The following ZNF207 variants were observed in gnomAD, a reference collection of about 807,000 sequenced individuals.
ZNF207 encodes zinc finger protein 207.
Under a neutral mutation model 60.2 loss-of-function variants are expected in ZNF207, and 24 were observed. The observed-to-expected ratio is 0.40, with a 90% confidence interval of 0.29 to 0.56. The LOEUF (loss-of-function observed/expected upper bound fraction) is 0.56, where lower values mean the gene tolerates loss of function less well. Among genes scored for constraint, ZNF207 ranks in the 20% least tolerant of loss-of-function variants. ZNF207 has a pLI of 0.49. For missense variants in ZNF207, 452 were observed against 636.6 expected, an observed-to-expected ratio of 0.71 and a Z score of 3.12; for synonymous variants, 236 against 194.7, an observed-to-expected ratio of 1.21 and a Z score of -1.77.
At chr17:32,350,373 G>A (rs2041478505) in intron 1 of ZNF207, 47 bp downstream of exon 1, 1 of 1,612,918 alleles carries the variant, frequency 6.2e-7, no homozygotes, top group Non-Finnish European at 8.5e-7. Context: ...GGTGCCGGTT[G>A]TTGGGGCCTG....
chr17:32,368,498 A>G, intron 10 of ZNF207: 1 of 162,928 alleles, frequency 6.1e-6, no homozygotes, highest in Non-Finnish European at 1.3e-5. Context: ...TCAGGAGTTC[A>G]AGACCAGCCT....
At position 32,379,646 on chromosome 17, in the gene ZNF207, T is replaced by TA; in HGVS notation, c.*9888dup. The TA allele has an allele frequency of 6.6e-6, 1 of 152,238 alleles. No homozygotes were observed. Among genetic ancestry groups the TA allele is most frequent in the South Asian group, 2.1e-4 (1 of 4,826 alleles). The allele number at this position is 152,238 out of a possible 1,614,324, so 9.4% of individuals were successfully genotyped here. ...TGATTCATGAGCAGTAAGCTGGAGT[T>TA]AGAGTGGAAGAAGGGTTTACCAAAA... On this transcript the variant is annotated 3_prime_UTR_variant, in exon 12 of 12. Transcript: ENST00000394670.
In ZNF207 at chr17:32,371,048, T is replaced by C. The variant is rs1905442507; in HGVS notation, c.*1289T>C. 1 of 152,254 alleles carries C rather than the reference T, an allele frequency of 6.6e-6. No homozygotes were observed. The highest frequency in any genetic ancestry group is 1.5e-5 in the Non-Finnish European group (1 of 68,042). 9.4% of individuals were successfully genotyped at this position (152,254 alleles called of 1,614,324 possible). A position where few individuals can be genotyped will look rare whatever the true frequency, so the allele number is the denominator to read the frequency against. On this transcript the variant is annotated 3_prime_UTR_variant, in exon 12 of 12. Transcript: ENST00000394670. ...ATGTTGTGTTCTTACAGAGAGCTTT[T>C]CTGTAGAGATGACTGCTATTCAATA...
chr17:32,352,384 C>T (rs1393989674), intron 2 of ZNF207, among the ~76,000 whole-genome samples: 7 of 151,000 alleles, frequency 4.6e-5, no homozygotes, highest in East Asian at 2.0e-4. Context: ...AAAATTTGTT[C>T]GATAGCCATC....
chr17:32,376,446 ACT>A lies in ZNF207; in HGVS notation c.*6690_*6691del, dbSNP rs1364207506. 1.3e-4 allele frequency: 20 copies of A among 151,982 alleles called. No homozygotes were observed. Among genetic ancestry groups the A allele is most frequent in the Non-Finnish European group, 2.2e-4 (15 of 67,910 alleles). The allele number at this position is 151,982 out of a possible 1,614,324, so 9.4% of individuals were successfully genotyped here. ...TCTTGAAAAGCTTTTCATTTTCTTA[ACT>A]CTGGAAAATAATAGTTTGGAACTAA... On this transcript the variant is annotated 3_prime_UTR_variant, in exon 12 of 12. Coordinates refer to ENST00000394670, the MANE Select transcript of ZNF207 (RefSeq NM_001098507.2).
rs1470801738 is a variant in ZNF207, at chr17:32,360,612, A to G, written c.322A>G (p.Lys108Glu). The G allele has an allele frequency of 6.3e-7, 1 of 1,591,374 alleles. No individual in the cohort carries two copies. Among genetic ancestry groups the G allele is most frequent in the Non-Finnish European group, 8.5e-7 (1 of 1,174,016 alleles). ...TTTTTTAACAGAAAGTCAAAAAAAG[A>G]AGCAACAAGATGATTCTGATGAATA... ...EQKTQESQKK[K>E]QQDDSDEYDD... Residue 108 changes from lysine (K) to glutamate (E), a missense_variant, in exon 4 of 12, where the codon AAG becomes GAG. Lys to Glu is a moderately conservative substitution (Grantham distance 56, BLOSUM62 1). Around this residue, in one of 2 missense-constraint regions of ZNF207, gnomAD observed 62 missense variants for 175.3 expected, o/e 0.35. Transcript: ENST00000394670.
In ZNF207 at chr17:32,372,876, G is replaced by A. The variant is rs1415871550; in HGVS notation, c.*3117G>A. 1 of 152,142 alleles carries A rather than the reference G, an allele frequency of 6.6e-6. No individual in the cohort carries two copies. Among genetic ancestry groups the A allele is most frequent in the Non-Finnish European group, 1.5e-5 (1 of 68,034 alleles). 9.4% of individuals were successfully genotyped at this position (152,142 alleles called of 1,614,324 possible). A position where few individuals can be genotyped will look rare whatever the true frequency, so the allele number is the denominator to read the frequency against. ...CAACTTTTGGGACTTGATAATTCAG[G>A]CAGGCATTGTGATTGTCATAATTAA... On this transcript the variant is annotated 3_prime_UTR_variant, in exon 12 of 12. Transcript: ENST00000394670.
At chr17:32,363,904 A>G (rs971291849) in intron 7 of ZNF207, among the ~76,000 whole-genome samples, 1 of 152,142 alleles carries the variant, frequency 6.6e-6, no homozygotes, top group Admixed American at 6.5e-5. Context: ...CAGTGGCTCA[A>G]TGATATTTAT....
At chr17:32,360,438 GA>G (rs1330792659) in intron 3 of ZNF207, among the ~76,000 whole-genome samples, 159 bp from the exon 4 acceptor site, 1 of 152,072 alleles carries the variant, frequency 6.6e-6, no homozygotes, top group African/African-American at 2.4e-5. Context: ...AATATAGGGC[GA>G]AAACACATTT....
intron 2 of ZNF207, among the ~76,000 whole-genome samples, chr17:32,355,498 G>A (rs533482123): frequency 6.6e-6 from 1 of 152,210 alleles, no homozygotes; most frequent in African/African-American, 2.4e-5. Context: ...AGGTATGTTT[G>A]AGGTCTATTA....
At chr17:32,359,626 G>C (rs948245111) in intron 3 of ZNF207, among the ~76,000 whole-genome samples, 5 of 151,916 alleles carry the variant, frequency 3.3e-5, no homozygotes, top group African/African-American at 1.2e-4. Context: ...TGGTAGGGTA[G>C]TTGGAGTGGC....
At chr17:32,369,268 T>C (rs760483366) in intron 10 of ZNF207, 27 bp from the exon 11 acceptor site, 1 of 1,608,876 alleles carries the variant, frequency 6.2e-7, no homozygotes, top group South Asian at 1.1e-5. Flanking sequence ...TTCGAGTATT[T>C]AGCCCTGCGC....
At chr17:32,350,829 G>A (rs1262239366) in intron 1 of ZNF207, 4 of 148,808 alleles carry the variant, frequency 2.7e-5, no homozygotes, top group African/African-American at 7.4e-5. Context: ...GTCAACCCTG[G>A]TTTCGAACCT....
At chr17:32,360,461 A>C in intron 3 of ZNF207, 137 bp from the exon 4 acceptor site, 1 of 750,588 alleles carries the variant, frequency 1.3e-6, no homozygotes, top group South Asian at 2.0e-5. Context: ...AAGAACATAG[A>C]GCAGTATTAA....
chr17:32,376,079 A>T lies in ZNF207; in HGVS notation c.*6320A>T, dbSNP rs1443023375. 6.6e-6 allele frequency: 1 copy of T among 152,074 alleles called. No homozygotes were observed. The highest frequency in any genetic ancestry group is 1.5e-5 in the Non-Finnish European group (1 of 67,932). The allele number at this position is 152,074 out of a possible 1,614,324, so 9.4% of individuals were successfully genotyped here. ...CAAAATAAGCACTTGATGTATGGTC[A>T]TGTACATAATGGATATTCATTAATT... On this transcript the variant is annotated 3_prime_UTR_variant, in exon 12 of 12. Transcript: ENST00000394670.
In ZNF207 at chr17:32,353,688, T is replaced by G. The variant is rs1048483424; in HGVS notation, c.168+1776T>G. 9.0e-3 allele frequency among the ~76,000 whole-genome samples: 4 copies of G among 444 alleles called. No homozygotes were observed. In the South Asian group the frequency reaches 0.14, roughly 15 times the overall value. The allele number at this position is 444 out of a possible 152,430, so 0.3% of individuals were successfully genotyped here. On this transcript the variant is annotated intron_variant, in intron 2 of 11. Coordinates refer to ENST00000394670, the MANE Select transcript of ZNF207 (RefSeq NM_001098507.2). ...CTGGCTACGGGGGCGGGGGGAGGGC[T>G]GGGGGCGGGGGGCGCGAGGCGGGTG...
rs1372392288 is a variant in ZNF207 at position 32,358,717 on chromosome 17, T to G, written c.307+76T>G. On this transcript the variant is annotated intron_variant, in intron 3 of 11. Transcript: ENST00000394670. Reference sequence around the variant, plus strand: ...TTTTTTTTGAGACAGAGGCTTACTCTGTCCAGCCGAGGCTGGAGTACAGTG... The same window carrying G: ...TTTTTTTTGAGACAGAGGCTTACTCGGTCCAGCCGAGGCTGGAGTACAGTG... 18 of 1,165,948 alleles carry G rather than the reference T, an allele frequency of 1.5e-5. No homozygotes were observed. In the Admixed American group the frequency reaches 7.2e-4, roughly 47 times the overall value. The allele number at this position is 1,165,948 out of a possible 1,614,324, so 72.2% of individuals were successfully genotyped here. A position where few individuals can be genotyped will look rare whatever the true frequency, so the allele number is the denominator to read the frequency against.
intron 7 of ZNF207, among the ~76,000 whole-genome samples, chr17:32,364,136 G>C (rs1358263828): frequency 6.6e-6 from 1 of 151,818 alleles, no homozygotes; most frequent in African/African-American, 2.4e-5. Flanking sequence ...AAAGTGCTGG[G>C]ATTACAGGTG....
At chr17:32,351,630 G>A (rs2041509287) in intron 1 of ZNF207, 156 bp from the exon 2 acceptor site, 1 of 1,548,488 alleles carries the variant, frequency 6.5e-7, no homozygotes, top group Non-Finnish European at 8.7e-7. Context: ...AACATGGCAA[G>A]TGTAGTCCCT....
Sources: allele counts gnomAD v4.1 joint callset (sites outside exome capture counted in the v4.1 genomes callset), GRCh38; gene constraint gnomAD v4.1.1; regional missense constraint gnomAD v4.1.1; transcripts MANE v1.5; gene names NCBI Gene and HGNC (gene_info 2026-07-23, HGNC 2026-07-21).